The following STXBP6 variants were observed in gnomAD, a reference collection of about 807,000 sequenced individuals.
STXBP6 encodes syntaxin-binding protein 6.
Under a neutral mutation model 26.9 loss-of-function variants are expected in STXBP6, and 21 were observed. The observed-to-expected ratio is 0.78, with a 90% CI of 0.55 to 1.12. STXBP6 has a LOEUF of 1.12. Among genes scored for constraint, STXBP6 ranks in the 50% most tolerant of loss-of-function variants. The probability of loss-of-function intolerance (pLI) is 0.00; values close to 1 mark genes in which losing one functional copy is unlikely to be tolerated. For missense variants in STXBP6, 232 were observed against 257.9 expected (o/e 0.90, Z 0.69); for synonymous variants, 97 against 92.6 (o/e 1.05, Z -0.27).
At position 25,023,842 on chromosome 14, in the gene STXBP6, A is replaced by G. The variant is rs1312558562; in HGVS notation, c.-33+26036T>C. Among the ~76,000 whole-genome samples, 4 of 152,188 alleles carry G rather than the reference A, an allele frequency of 2.6e-5. No individual in the cohort carries two copies. The East Asian group carries it at 7.7e-4, about 29-fold the overall frequency. On this transcript the variant is annotated intron_variant, in intron 1 of 5. Transcript: ENST00000323944. ...CTTTTGCTTCTCTGTTTCTTAGTAC[A>G]GCCATAGTCTTTTAGCAAACATATT...
At chr14:25,008,332 C>T (rs2074951171) in intron 1 of STXBP6, among the ~76,000 whole-genome samples, 1 of 151,958 alleles carries the variant, frequency 6.6e-6, no homozygotes, top group African/African-American at 2.4e-5. Context: ...AGTGGGACTC[C>T]AACTCTACAA....
rs954626737 is a variant in STXBP6 at position 24,941,764 on chromosome 14, C to T, written c.154+32901G>A. Among the ~76,000 whole-genome samples, 7 of 152,246 alleles carry T rather than the reference C, an allele frequency of 4.6e-5. 2 individuals are homozygous for T. Among genetic ancestry groups the T allele is most frequent in the Admixed American group, 3.9e-4 (6 of 15,290 alleles). ...CTTTTCTGCTTTGGACCTCTTTCTTCTTTGGCTCCTTCCTCTCCTTGAGAG... is the reference window on the plus strand; with the variant it reads ...CTTTTCTGCTTTGGACCTCTTTCTTTTTTGGCTCCTTCCTCTCCTTGAGAG... On this transcript the variant is annotated intron_variant, in intron 2 of 5. Transcript: ENST00000323944.
chr14:24,927,599 A>G (rs796123764), intron 2 of STXBP6, among the ~76,000 whole-genome samples: 71 of 152,280 alleles, frequency 4.7e-4, no homozygotes, highest in African/African-American at 1.5e-3. Flanking sequence ...AGAACAGTTT[A>G]TTTATTTTCT....
In STXBP6 at chr14:24,907,390, T is replaced by C. The variant is rs547709083; in HGVS notation, c.155-50233A>G. Among the ~76,000 whole-genome samples, 106 of 152,296 alleles carry C rather than the reference T, an allele frequency of 7.0e-4. 1 individual carries two copies. The highest frequency in any genetic ancestry group is 2.5e-3 in the African/African-American group (103 of 41,568). The stretch of plus-strand genomic sequence containing the variant: ...AAAGGGGAAATTGCTTCCATTATAA[T>C]GTACAGTGCAAAGAGCATTAAAAGA... On this transcript the variant is annotated intron_variant, in intron 2 of 5. Coordinates refer to ENST00000323944, the MANE Select transcript of STXBP6 (RefSeq NM_001394410.1).
intron 1 of STXBP6, among the ~76,000 whole-genome samples, chr14:24,976,928 T>C (rs2074063661): frequency 1.5e-5 from 2 of 133,816 alleles, no homozygotes; most frequent in Admixed American, 1.7e-4. Context: ...AGTGGTACAA[T>C]CTTGACTCAC....
chr14:24,973,158 C>G (rs1035812411), intron 2 of STXBP6, among the ~76,000 whole-genome samples: 3 of 152,060 alleles, frequency 2.0e-5, no homozygotes, highest in African/African-American at 7.2e-5. Flanking sequence ...TAACAAAATT[C>G]TAGGAAAGTA....
chr14:24,916,179 G>A (rs2071758333), intron 2 of STXBP6, among the ~76,000 whole-genome samples: 2 of 152,108 alleles, frequency 1.3e-5, no homozygotes, highest in Admixed American at 1.3e-4. Flanking sequence ...TATGAGTTTT[G>A]TGATAAGGGC....
intron 2 of STXBP6, among the ~76,000 whole-genome samples, chr14:24,865,619 G>A (rs540929273): frequency 2.6e-5 from 4 of 152,208 alleles, no homozygotes; most frequent in Non-Finnish European, 5.9e-5. Context: ...GCTCACACAG[G>A]GCTGGGAATA....
At chr14:24,945,941 C>G (rs2072973029) in intron 2 of STXBP6, among the ~76,000 whole-genome samples, 1 of 152,098 alleles carries the variant, frequency 6.6e-6, no homozygotes, top group African/African-American at 2.4e-5. Context: ...GAGAGTAGAA[C>G]AATGATGTGG....
Position 24,851,408 on chromosome 14 carries a change from C to T in STXBP6, c.451+4528G>A, listed in dbSNP as rs369547950. 1.1e-4 allele frequency among the ~76,000 whole-genome samples: 16 copies of T among 143,708 alleles called. 1 individual carries two copies. The South Asian group carries it at 2.6e-3, about 24-fold the overall frequency. The allele number at this position is 143,708 out of a possible 152,430, so 94.3% of individuals were successfully genotyped here. ...CCCCCTCCCCCAACCCCACAACAGG[C>T]CCCGGTGTGTGATGTTCCCCTTCCT... On this transcript the variant is annotated intron_variant, in intron 4 of 5. Transcript: ENST00000323944.
At chr14:25,033,254 C>T (rs767319975) in intron 1 of STXBP6, among the ~76,000 whole-genome samples, 6 of 152,186 alleles carry the variant, frequency 3.9e-5, no homozygotes, top group Non-Finnish European at 7.3e-5. Flanking sequence ...CCCATTACCA[C>T]ATCCAGTCAT....
intron 2 of STXBP6, among the ~76,000 whole-genome samples, chr14:24,860,812 C>G (rs978959244): frequency 6.7e-6 from 1 of 148,940 alleles, no homozygotes; most frequent in Non-Finnish European, 1.5e-5. Flanking sequence ...AAAAGAAAAA[C>G]AGATTGCACC....
intron 1 of STXBP6, among the ~76,000 whole-genome samples, chr14:24,988,567 G>A (rs1428788700): frequency 6.6e-6 from 1 of 152,196 alleles, no homozygotes; most frequent in Non-Finnish European, 1.5e-5. Context: ...GGATTATGCA[G>A]GTAGATCTGC....
intron 1 of STXBP6, among the ~76,000 whole-genome samples, chr14:24,987,156 T>C (rs1207121001): frequency 6.6e-6 from 1 of 152,124 alleles, no homozygotes; most frequent in Non-Finnish European, 1.5e-5. Flanking sequence ...CACTAACACA[T>C]TACAAAGACA....
chr14:24,992,747 C>A (rs1306010664), intron 1 of STXBP6, among the ~76,000 whole-genome samples: 2 of 152,196 alleles, frequency 1.3e-5, no homozygotes, highest in Non-Finnish European at 2.9e-5. Flanking sequence ...TCAATGCTAG[C>A]TGCTGAGGCA....
At chr14:24,943,537 C>T (rs2072877096) in intron 2 of STXBP6, among the ~76,000 whole-genome samples, 1 of 152,124 alleles carries the variant, frequency 6.6e-6, no homozygotes, top group Non-Finnish European at 1.5e-5. Context: ...TTTTATGTTC[C>T]TTATGAAATT....
intron 1 of STXBP6, among the ~76,000 whole-genome samples, chr14:25,034,932 C>T (rs2075524495): frequency 1.3e-5 from 2 of 152,116 alleles, no homozygotes; most frequent in Admixed American, 1.3e-4. Context: ...GGGCAGATCA[C>T]CCGAAGTCAG....
At chr14:25,035,189 T>C (rs1814437962) in intron 1 of STXBP6, among the ~76,000 whole-genome samples, 1 of 151,960 alleles carries the variant, frequency 6.6e-6, no homozygotes, top group South Asian at 2.1e-4. Flanking sequence ...GAAAGAACTT[T>C]AGACAGTTGT....
intron 2 of STXBP6, among the ~76,000 whole-genome samples, chr14:24,929,020 G>A (rs10136888): frequency 0.25 from 37,271 of 151,846 alleles, 4,850 homozygotes; most frequent in African/African-American, 0.34. Flanking sequence ...AGAAAGTTCA[G>A]CAGAAGAACT....
Sources: allele counts gnomAD v4.1 joint callset (sites outside exome capture counted in the v4.1 genomes callset), GRCh38; gene constraint gnomAD v4.1.1; transcripts MANE v1.5; gene names NCBI Gene and HGNC (gene_info 2026-07-23, HGNC 2026-07-21).